Variants in ATCAY observed in about 807,000 individuals in gnomAD.
ATCAY encodes the protein ATCAY kinesin light chain interacting caytaxin.
ATCAY carries 22 observed loss-of-function variants against 47.7 expected under a neutral mutation model. The observed-to-expected ratio is 0.46, with a 90% CI of 0.33 to 0.66. The LOEUF (loss-of-function observed/expected upper bound fraction) is 0.66. ATCAY is among the 30% of genes least tolerant of loss of function. The pLI is 0.02. For missense variants in ATCAY, 452 were observed against 515.0 expected (o/e 0.88, Z 1.18); for synonymous variants, 216 against 207.6 (o/e 1.04, Z -0.35).
intron 8 of ATCAY, among the ~76,000 whole-genome samples, chr19:3,912,262 C>T (rs758655157): frequency 2.0e-5 from 3 of 152,028 alleles, no homozygotes; most frequent in Non-Finnish European, 2.9e-5. Context: ...CGCTTGAGCC[C>T]GGGAGTTCGA....
chr19:3,898,357 G>A (rs889605946), intron 2 of ATCAY, among the ~76,000 whole-genome samples: 3 of 152,170 alleles, frequency 2.0e-5, no homozygotes, highest in East Asian at 3.9e-4. Flanking sequence ...TAATTGTTTT[G>A]TATTTTTAGT....
Position 3,902,581 on chromosome 19 carries a change from C to T in ATCAY, c.136+36C>T, listed in dbSNP as rs747675432. 3.9e-6 allele frequency: 6 copies of T among 1,549,946 alleles called. No individual in the cohort carries two copies. In the African/African-American group the frequency reaches 8.2e-5, roughly 21 times the overall value. On this transcript the variant is annotated intron_variant, in intron 3 of 12. Coordinates refer to ENST00000450849, the MANE Select transcript of ATCAY (RefSeq NM_033064.5). ...ACGTCCACAGAAGGGCGGAAACAGG[C>T]TCAGTGTTTCCGGGTTTCAGCCCTG...
intron 12 of ATCAY, among the ~76,000 whole-genome samples, chr19:3,924,359 G>T (rs1339311477): frequency 6.6e-6 from 1 of 152,132 alleles, no homozygotes. Flanking sequence ...GAGGTTGCCA[G>T]TCTCCAGGGC....
At chr19:3,913,704 AC>A in intron 8 of ATCAY, 53 bp from the exon 9 acceptor site, 1 of 1,414,112 alleles carries the variant, frequency 7.1e-7, no homozygotes, top group African/African-American at 1.4e-5. Flanking sequence ...GACCTAGGTA[AC>A]CCCCACCCCA....
intron 4 of ATCAY, among the ~76,000 whole-genome samples, chr19:3,906,184 A>AG (rs1555768089): frequency 4.9e-4 from 73 of 148,500 alleles, no homozygotes; most frequent in Non-Finnish European, 5.5e-4. Flanking sequence ...AAAAAAAAAA[A>AG]AGAGAGAGAG....
At chr19:3,920,881 C>T (rs1284259039) in intron 12 of ATCAY, 83 bp downstream of exon 12, 1 of 1,528,864 alleles carries the variant, frequency 6.5e-7, no homozygotes, top group East Asian at 2.3e-5. Flanking sequence ...TCTAGAAGGA[C>T]AGAAAATCAA....
chr19:3,908,401 G>A (rs1034187045), intron 6 of ATCAY, 31 bp downstream of exon 6: 1 of 1,539,700 alleles, frequency 6.5e-7, no homozygotes, highest in Admixed American at 1.9e-5. Flanking sequence ...AGCAGCCTCG[G>A]GCCAGCTCTG....
Position 3,909,469 on chromosome 19 carries a change from C to T in ATCAY, c.648-17C>T, listed in dbSNP as rs1403980737. The stretch of plus-strand genomic sequence containing the variant: ...CCCCTCCATGTTGGGTCCCTGCCTT[C>T]TGTGCCCCGTGAGCAGGTACGTCAT... On this transcript the variant is annotated splice_polypyrimidine_tract_variant and intron_variant, in intron 6 of 12. Coordinates refer to ENST00000450849, the MANE Select transcript of ATCAY (RefSeq NM_033064.5). 1.2e-6 allele frequency: 2 copies of T among 1,610,940 alleles called. No homozygotes were observed. The highest frequency in any genetic ancestry group is 1.7e-6 in the Non-Finnish European group (2 of 1,177,644).
At chr19:3,922,754 G>A (rs902052288) in intron 12 of ATCAY, among the ~76,000 whole-genome samples, 1 of 151,962 alleles carries the variant, frequency 6.6e-6, no homozygotes, top group African/African-American at 2.4e-5. Context: ...TGTTGTTGTT[G>A]TTGTTTTTGA....
At position 3,916,586 on chromosome 19, in the gene ATCAY, C is replaced by T. The variant is rs139998195; in HGVS notation, c.966-1156C>T. 2.0e-3 allele frequency among the ~76,000 whole-genome samples: 303 copies of T among 152,224 alleles called. 1 individual carries two copies. The highest frequency in any genetic ancestry group is 6.6e-3 in the African/African-American group (272 of 41,524). On this transcript the variant is annotated intron_variant, in intron 9 of 12. Coordinates refer to ENST00000450849, the MANE Select transcript of ATCAY (RefSeq NM_033064.5). ...TTGGCTCGCTGCAACCTCCACCTCC[C>T]GGGTTCAAGCAACTCTCCTGCCTCA...
chr19:3,909,663 A>T, intron 7 of ATCAY, 46 bp downstream of exon 7: 1 of 1,548,246 alleles, frequency 6.5e-7, no homozygotes, highest in Non-Finnish European at 8.7e-7. Flanking sequence ...CATGAAAATC[A>T]CACAGGGGGC....
chr19:3,885,121 A>AC (rs2038637596), intron 1 of ATCAY, among the ~76,000 whole-genome samples: 4 of 148,860 alleles, frequency 2.7e-5, no homozygotes, highest in Non-Finnish European at 4.5e-5. Context: ...AAAAAAAAAA[A>AC]AAAAAAAAAA....
rs1882918697 is a variant in ATCAY, at chr19:3,924,709, G to A, written c.*117G>A. ...CTCATCCTGAGTCCCAATCTTCCAA[G>A]GGTGCCAGCCCCTCCGTTCATCTCT... On this transcript the variant is annotated 3_prime_UTR_variant, in exon 13 of 13. Coordinates refer to ENST00000450849, the MANE Select transcript of ATCAY (RefSeq NM_033064.5). 2 of 1,119,736 alleles carry A rather than the reference G, an allele frequency of 1.8e-6. No homozygotes were observed. The highest frequency in any genetic ancestry group is 2.6e-6 in the Non-Finnish European group (2 of 758,570). 69.4% of individuals were successfully genotyped at this position (1,119,736 alleles called of 1,614,324 possible).
At chr19:3,897,620 A>T (rs1221311573) in intron 2 of ATCAY, among the ~76,000 whole-genome samples, 5 of 151,506 alleles carry the variant, frequency 3.3e-5, no homozygotes, top group Admixed American at 6.6e-5. Flanking sequence ...TAAAAAATTG[A>T]GGTGAGGCCA....
At position 3,902,505 on chromosome 19, in the gene ATCAY, G is replaced by A. The variant is rs200614118; in HGVS notation, c.96G>A (p.Thr32=). 2.9e-5 allele frequency: 46 copies of A among 1,580,314 alleles called. No homozygotes were observed. The highest frequency in any genetic ancestry group is 1.9e-4 in the East Asian group (8 of 43,100). Residue 32 remains threonine, a synonymous_variant, in exon 3 of 13, where the codon ACG becomes ACA. Transcript: ENST00000450849. ...EDLPRPLPEE[T]GVELLGSPVE... ...TCCGCAGGCCACTCCCAGAAGAGAC[G>A]GGGGTGGAACTGCTTGGCAGCCCGG...
At chr19:3,906,962 G>A (rs1336291751) in intron 4 of ATCAY, among the ~76,000 whole-genome samples, 5 of 149,660 alleles carry the variant, frequency 3.3e-5, no homozygotes, top group Non-Finnish European at 4.5e-5. Flanking sequence ...ACATGGTGAA[G>A]CTCCATCTCT....
At position 3,907,010 on chromosome 19, in the gene ATCAY, C is replaced by T. The variant is rs571303567; in HGVS notation, c.359-724C>T. 1.7e-4 allele frequency among the ~76,000 whole-genome samples: 26 copies of T among 151,152 alleles called. No homozygotes were observed. The highest frequency in any genetic ancestry group is 9.9e-4 in the Admixed American group (15 of 15,078). ...GAAATTAGCCGGGCATGGTGGCGTG[C>T]GTAGTCCCAGCTACTCGGGAGGCTG... On this transcript the variant is annotated intron_variant, in intron 4 of 12. Transcript: ENST00000450849. This position sits in a 1 kb window ranked among gnomAD's most constrained non-coding sequence, Gnocchi z 5.1.
chr19:3,907,929 G>GCC lies in ATCAY; in HGVS notation c.544+15_544+16dup, dbSNP rs140914543. ...GTGGTCACCCACGGAGGTGAGACCC[G>GCC]CCCCCCGGTGCCCCCTTGGGGCTCC... is the stretch of plus-strand genomic sequence containing the variant. On this transcript the variant is annotated intron_variant, in intron 5 of 12. Transcript: ENST00000450849. The surrounding 1 kb of genome is among the most constrained non-coding windows in gnomAD (Gnocchi z 5.1). 10 of 1,608,446 alleles carry GCC rather than the reference G, an allele frequency of 6.2e-6. No individual in the cohort carries two copies. In the African/African-American group the frequency reaches 1.3e-4, roughly 21 times the overall value.
chr19:3,886,231 T>C (rs2038653036), intron 2 of ATCAY, among the ~76,000 whole-genome samples: 1 of 150,764 alleles, frequency 6.6e-6, no homozygotes, highest in Non-Finnish European at 1.5e-5. Context: ...GGCGGATCAC[T>C]TGAGGTCAGG....
Sources: allele counts gnomAD v4.1 joint callset (sites outside exome capture counted in the v4.1 genomes callset), GRCh38; gene constraint gnomAD v4.1.1; non-coding constraint Gnocchi (gnomAD v3.1); transcripts MANE v1.5; gene names NCBI Gene and HGNC (gene_info 2026-07-23, HGNC 2026-07-21).